Variants in NDUFS2 observed in about 807,000 individuals in gnomAD.
NDUFS2 encodes NADH:ubiquinone oxidoreductase core subunit S2, also known as NADH dehydrogenase [ubiquinone] iron-sulfur protein 2, mitochondrial.
Under a neutral mutation model 69.6 loss-of-function variants are expected in NDUFS2, and 38 were observed. The ratio of observed to expected loss-of-function variants is 0.55; its 90% CI spans 0.42 to 0.72. The LOEUF (loss-of-function observed/expected upper bound fraction) is 0.72, where lower values mean the gene tolerates loss of function less well. Ranked by LOEUF, NDUFS2 falls within the 30% of genes least tolerant of loss-of-function variation. The pLI, the probability that NDUFS2 is intolerant of heterozygous loss-of-function variation, is 0.00. For missense variants in NDUFS2, 468 were observed against 595.0 expected (o/e 0.79, Z 2.22); for synonymous variants, 194 against 211.2 (o/e 0.92, Z 0.70).
At chr1:161,214,060 G>A in intron 13 of NDUFS2, 96 bp from the exon 14 acceptor site, 1 of 1,613,524 alleles carries the variant, frequency 6.2e-7, no homozygotes, top group Admixed American at 1.7e-5. Flanking sequence ...CACAGTAATG[G>A]GTTCTGGATC....
Position 161,209,182 on chromosome 1 carries a change from C to G in NDUFS2, c.394-11C>G. 1 of 1,614,198 alleles carries G rather than the reference C, an allele frequency of 6.2e-7. No homozygotes were observed. Among genetic ancestry groups the G allele is most frequent in the East Asian group, 2.2e-5 (1 of 44,880 alleles). ...CTGTTAGATGTGACCCACATTCCTC[C>G]CTCTTCCCAGGCCCTTCCATACTTT... is the stretch of plus-strand genomic sequence containing the variant. On this transcript the variant is annotated splice_polypyrimidine_tract_variant and intron_variant, in intron 3 of 13. Coordinates refer to ENST00000676972, the MANE Select transcript of NDUFS2 (RefSeq NM_001377299.1).
chr1:161,210,934 G>T lies in NDUFS2; in HGVS notation c.986+224G>T, dbSNP rs552706709. 2.0e-5 allele frequency among the ~76,000 whole-genome samples: 3 copies of T among 152,314 alleles called. No individual in the cohort carries two copies. The East Asian group carries it at 5.8e-4, about 29-fold the overall frequency. On this transcript the variant is annotated intron_variant, in intron 9 of 13. Coordinates refer to ENST00000676972, the MANE Select transcript of NDUFS2 (RefSeq NM_001377299.1). ...TTGTTGCCCAGGTTGGAATGCAATG[G>T]TGCAATCTCGGCTCACTGCAACCTC...
At chr1:161,201,217 C>G (rs1665102331), upstream of NDUFS2, among the ~76,000 whole-genome samples, 1 of 152,220 alleles carries the variant, frequency 6.6e-6, no homozygotes, top group African/African-American at 2.4e-5. Context: ...CCCTTTGGTA[C>G]AGTTCCCATT....
rs779118848 is a variant in NDUFS2, at chr1:161,210,588, C to T, written c.867-3C>T. ...GCCCTTATTCCCATTATGCTCTCCACAGTGGAGTGATGCTTCGGGGCTCAG... is the reference window on the plus strand; with the variant it reads ...GCCCTTATTCCCATTATGCTCTCCATAGTGGAGTGATGCTTCGGGGCTCAG... On this transcript the variant is annotated splice_polypyrimidine_tract_variant and splice_region_variant and intron_variant, in intron 8 of 13. Transcript: ENST00000676972. The T allele has an allele frequency of 3.7e-6, 6 of 1,614,026 alleles. No homozygotes were observed. In the South Asian group the frequency reaches 6.6e-5, roughly 18 times the overall value.
intron 3 of NDUFS2, among the ~76,000 whole-genome samples, 157 bp from the exon 4 acceptor site, chr1:161,209,036 T>C (rs1030544443): frequency 1.3e-5 from 2 of 152,042 alleles, no homozygotes; most frequent in Non-Finnish European, 2.9e-5. Context: ...ATACTACTGG[T>C]TTTTGGGATA....
chr1:161,197,980 T>C, upstream of NDUFS2: 1 of 1,546,490 alleles, frequency 6.5e-7, no homozygotes, highest in Non-Finnish European at 8.7e-7. Flanking sequence ...GGACACAGAC[T>C]CCAGAGATGC....
intron 1 of NDUFS2, 85 bp from the exon 2 acceptor site, chr1:161,203,352 C>T (rs972483103): frequency 1.2e-5 from 14 of 1,182,048 alleles, no homozygotes; most frequent in Non-Finnish European, 1.8e-5. Context: ...GGTCATCCTT[C>T]CTGGGTCCCC....
At chr1:161,211,171 G>T (rs529149273) in intron 9 of NDUFS2, among the ~76,000 whole-genome samples, 3 of 152,208 alleles carry the variant, frequency 2.0e-5, no homozygotes, top group Non-Finnish European at 4.4e-5. Context: ...CACCACACCC[G>T]GCCTATGGCA....
At chr1:161,198,631 A>C (rs1005073214), upstream of NDUFS2, 2 of 1,505,526 alleles carry the variant, frequency 1.3e-6, no homozygotes, top group Admixed American at 4.3e-5. This position sits in a 1 kb window ranked among gnomAD's most constrained non-coding sequence, Gnocchi z 4.7. Context: ...GGGACATGGC[A>C]CTGGTACTGC....
upstream of NDUFS2, chr1:161,202,248 T>G (rs1409573524): frequency 1.2e-6 from 1 of 806,288 alleles, no homozygotes; most frequent in South Asian, 1.5e-5. Flanking sequence ...ACCCGGATGT[T>G]GTCAGTTCGA....
At chr1:161,208,628 T>C (rs1665609249) in intron 3 of NDUFS2, among the ~76,000 whole-genome samples, 2 of 152,272 alleles carry the variant, frequency 1.3e-5, no homozygotes, top group African/African-American at 4.8e-5. Flanking sequence ...ATCCTGGAGC[T>C]AGCTCATACG....
In NDUFS2 at chr1:161,214,218, C is replaced by T. The variant is rs369905394; in HGVS notation, c.*25C>T. ...AGCAGGGGAGCAGCGTTTGATCCCC[C>T]CTGCCTATCAGCTTCTTCTGTGGAG... On this transcript the variant is annotated 3_prime_UTR_variant, in exon 14 of 14. Transcript: ENST00000676972. 3.8e-6 allele frequency: 6 copies of T among 1,599,000 alleles called. No individual in the cohort carries two copies. In the East Asian group the frequency reaches 1.1e-4, roughly 30 times the overall value.
chr1:161,203,445 G>A lies in NDUFS2; in HGVS notation c.104G>A (p.Arg35Gln), dbSNP rs773333372. The A allele has an allele frequency of 3.7e-6, 6 of 1,614,036 alleles. No homozygotes were observed. The highest frequency in any genetic ancestry group is 2.2e-5 in the East Asian group (1 of 44,886). Residue 35 changes from arginine (R) to glutamine (Q), a missense_variant, in exon 2 of 14, where the codon CGG becomes CAG. Transcript: ENST00000676972. The stretch of plus-strand genomic sequence containing the variant: ...TGTCTTTGACTCCCCAGAGGTGTTC[G>A]GCAGTGGCAGCCAGATGTGGAATGG... Reference protein sequence around the residue: ...RLPIQPSRGVRQWQPDVEWAQ... With the variant: ...RLPIQPSRGVQQWQPDVEWAQ...
intron 9 of NDUFS2, 137 bp from the exon 10 acceptor site, chr1:161,212,214 A>T: frequency 8.8e-7 from 1 of 1,132,092 alleles, no homozygotes; most frequent in Non-Finnish European, 1.3e-6. Context: ...TGGCCAAGCC[A>T]AGCAGAGATG....
At chr1:161,207,976 A>ATTTT (rs965466967) in intron 3 of NDUFS2, among the ~76,000 whole-genome samples, 21 of 88,772 alleles carry the variant, frequency 2.4e-4, no homozygotes, top group African/African-American at 6.0e-4. Flanking sequence ...TGCCTGGCTA[A>ATTTT]TTTTTTTTTT....
chr1:161,205,817 C>T (rs189448387), intron 2 of NDUFS2, among the ~76,000 whole-genome samples: 9 of 151,280 alleles, frequency 5.9e-5, no homozygotes, highest in Non-Finnish European at 7.4e-5. Flanking sequence ...TCATTTAGTG[C>T]GAGTAAGCAT....
chr1:161,214,297 G>GTGTGTGTGTA lies in NDUFS2; in HGVS notation c.*107_*108insGTGTGTATGT. The GTGTGTGTGTA allele has an allele frequency of 9.2e-7, 1 of 1,090,584 alleles. No homozygotes were observed. The highest frequency in any genetic ancestry group is 2.5e-5 in the East Asian group (1 of 40,736). The allele number at this position is 1,090,584 out of a possible 1,614,324, so 67.6% of individuals were successfully genotyped here. ...TGTGTGTGTGTGTGTGTGTGTGTGTGTGTATGTTCATGTACACTTGGCTGT... is the reference window on the plus strand; with the variant it reads ...TGTGTGTGTGTGTGTGTGTGTGTGTGTGTGTGTGTATGTATGTTCATGTACACTTGGCTGT... On this transcript the variant is annotated 3_prime_UTR_variant, in exon 14 of 14. Transcript: ENST00000676972.
intron 1 of NDUFS2, among the ~76,000 whole-genome samples, chr1:161,202,809 C>G (rs1665219499): frequency 6.6e-6 from 1 of 152,204 alleles, no homozygotes; most frequent in Non-Finnish European, 1.5e-5. Flanking sequence ...CTTGAACAAA[C>G]ACTTTTCTCA....
rs1055512318 is a variant in NDUFS2 at position 161,210,463 on chromosome 1, T to C, written c.866+74T>C. Reference sequence around the variant, plus strand: ...GAGTTCCAGCCTAATATCTTGTCTTTGAAGACTTGTTGGCATCCTCCTAGT... The same window carrying C: ...GAGTTCCAGCCTAATATCTTGTCTTCGAAGACTTGTTGGCATCCTCCTAGT... On this transcript the variant is annotated intron_variant, in intron 8 of 13. Coordinates refer to ENST00000676972, the MANE Select transcript of NDUFS2 (RefSeq NM_001377299.1). 2.5e-6 allele frequency: 4 copies of C among 1,602,914 alleles called. No individual in the cohort carries two copies. The East Asian group carries it at 8.9e-5, about 36-fold the overall frequency.
Sources: allele counts gnomAD v4.1 joint callset (sites outside exome capture counted in the v4.1 genomes callset), GRCh38; gene constraint gnomAD v4.1.1; non-coding constraint Gnocchi (gnomAD v3.1); transcripts MANE v1.5; gene names NCBI Gene and HGNC (gene_info 2026-07-23, HGNC 2026-07-21).